Variants in EDIL3 observed in about 807,000 individuals in gnomAD.
EDIL3 encodes the protein EGF like and discoidin domains 3, also known as EGF-like repeat and discoidin I-like domain-containing protein 3.
A neutral mutation model predicts 67.4 loss-of-function variants in EDIL3; 37 were observed. The ratio of observed to expected loss-of-function variants is 0.55; its 90% CI spans 0.42 to 0.72. EDIL3 has a LOEUF of 0.72. Among genes scored for constraint, EDIL3 ranks in the 30% least tolerant of loss-of-function variants. The probability of loss-of-function intolerance (pLI) is 0.00; values close to 1 mark genes in which losing one functional copy is unlikely to be tolerated. For synonymous variants in EDIL3, 195 were observed against 196.3 expected (o/e 0.99, Z 0.05); for missense variants, 527 against 586.3 (o/e 0.90, Z 1.04).
At chr5:84,113,511 AG>A (rs1747610105) in intron 5 of EDIL3, among the ~76,000 whole-genome samples, 1 of 152,068 alleles carries the variant, frequency 6.6e-6, no homozygotes, top group Non-Finnish European at 1.5e-5. Context: ...GCCTCCCCAT[AG>A]CAACTTTTCT....
rs188034382 is a variant in EDIL3 at position 84,143,619 on chromosome 5, T to C, written c.356-6265A>G. On this transcript the variant is annotated intron_variant, in intron 4 of 10. Transcript: ENST00000296591. ...TATTCCAATAAAGTTTTATTTGCAT[T>C]TACACAGATATTTGGCCAGTATGAC... 7.1e-4 allele frequency among the ~76,000 whole-genome samples: 108 copies of C among 152,164 alleles called. 2 individuals are homozygous for C. The highest frequency in any genetic ancestry group is 3.5e-4 in the Non-Finnish European group (24 of 67,976).
At chr5:84,096,060 T>C (rs560902179) in intron 6 of EDIL3, among the ~76,000 whole-genome samples, 4 of 152,124 alleles carry the variant, frequency 2.6e-5, no homozygotes, top group South Asian at 2.1e-4. Context: ...AGAAGATGTA[T>C]GGAAATGCCT....
In EDIL3 at chr5:83,943,313, GAAAAA is replaced by G; in HGVS notation, c.*101_*105del. On this transcript the variant is annotated 3_prime_UTR_variant, in exon 11 of 11. Coordinates refer to ENST00000296591, the MANE Select transcript of EDIL3 (RefSeq NM_005711.5). ...TACCATAATTTGAGCACTTTTTCAT[GAAAAA>G]AAAAAAAAAACCATTCAGTTTCCTA... The G allele has an allele frequency of 7.8e-7, 1 of 1,276,758 alleles. No individual in the cohort carries two copies. Among genetic ancestry groups the G allele is most frequent in the Non-Finnish European group, 1.1e-6 (1 of 948,094 alleles). 79.1% of individuals were successfully genotyped at this position (1,276,758 alleles called of 1,614,324 possible).
intron 3 of EDIL3, among the ~76,000 whole-genome samples, chr5:84,218,912 G>A (rs773855422): frequency 2.0e-5 from 3 of 152,276 alleles, no homozygotes; most frequent in East Asian, 3.9e-4. Flanking sequence ...AGAGTACCTC[G>A]GGACCAGGAG....
chr5:84,074,200 A>G (rs1253379454), intron 6 of EDIL3, among the ~76,000 whole-genome samples: 1 of 147,486 alleles, frequency 6.8e-6, no homozygotes, highest in African/African-American at 2.6e-5. Context: ...AATTAATTCA[A>G]GACGGATTAA....
intron 9 of EDIL3, among the ~76,000 whole-genome samples, chr5:84,058,969 T>G (rs1200392902): frequency 6.7e-6 from 1 of 150,152 alleles, no homozygotes; most frequent in Admixed American, 6.6e-5. Flanking sequence ...AAGACTTACA[T>G]TATTACCTAT....
At chr5:84,041,461 G>C (rs1746120609) in intron 9 of EDIL3, among the ~76,000 whole-genome samples, 1 of 151,292 alleles carries the variant, frequency 6.6e-6, no homozygotes, top group Non-Finnish European at 1.5e-5. Flanking sequence ...TTCCCACTGA[G>C]ATCTTTAAAG....
At chr5:84,048,721 A>G (rs1160629520) in intron 9 of EDIL3, among the ~76,000 whole-genome samples, 1 of 152,064 alleles carries the variant, frequency 6.6e-6, no homozygotes, top group Non-Finnish European at 1.5e-5. Context: ...CATTTTCTAT[A>G]GTCACCACCA....
intron 9 of EDIL3, among the ~76,000 whole-genome samples, chr5:84,006,078 T>TTAATAATAATAATAATAA (rs142039045): frequency 1.9e-4 from 26 of 139,848 alleles, no homozygotes; most frequent in Non-Finnish European, 2.1e-4. Flanking sequence ...CACAATAGCA[T>TTAATAATAATAATAATAA]TAATAATAAT....
intron 1 of EDIL3, among the ~76,000 whole-genome samples, chr5:84,312,363 G>T (rs1174998560): frequency 6.8e-6 from 1 of 147,760 alleles, no homozygotes; most frequent in African/African-American, 2.5e-5. Context: ...CCCGGACGGG[G>T]CGGCTGGCCG....
chr5:84,149,638 G>T (rs933473302), intron 4 of EDIL3, among the ~76,000 whole-genome samples: 1 of 152,036 alleles, frequency 6.6e-6, no homozygotes, highest in African/African-American at 2.4e-5. Flanking sequence ...ATCCAATCAA[G>T]ATTAACACTC....
At chr5:84,098,108 A>C (rs1392400026) in intron 6 of EDIL3, among the ~76,000 whole-genome samples, 1 of 152,048 alleles carries the variant, frequency 6.6e-6, no homozygotes, top group African/African-American at 2.4e-5. Flanking sequence ...CTGAAAAAAA[A>C]AAAAAACTTG....
intron 1 of EDIL3, among the ~76,000 whole-genome samples, chr5:84,337,927 A>G (rs1468078883): frequency 6.6e-6 from 1 of 152,146 alleles, no homozygotes; most frequent in Non-Finnish European, 1.5e-5. Flanking sequence ...CAACTATAGA[A>G]GAATGTGCAT....
intron 5 of EDIL3, among the ~76,000 whole-genome samples, chr5:84,107,151 T>A (rs1475319983): frequency 6.6e-6 from 1 of 152,082 alleles, no homozygotes; most frequent in Non-Finnish European, 1.5e-5. Context: ...AAAAGGCTTA[T>A]CTCATATTTT....
intron 1 of EDIL3, among the ~76,000 whole-genome samples, chr5:84,379,514 T>C (rs577279377): frequency 6.6e-6 from 1 of 152,292 alleles, no homozygotes; most frequent in East Asian, 1.9e-4. Context: ...TGTGTATGTC[T>C]GTGTAAATCA....
intron 1 of EDIL3, among the ~76,000 whole-genome samples, chr5:84,328,307 C>T (rs191380065): frequency 1.3e-5 from 2 of 152,110 alleles, no homozygotes; most frequent in African/African-American, 4.8e-5. Context: ...TTTGGGAACA[C>T]TTAGGCCATG....
chr5:84,191,736 G>A (rs1743590878), intron 3 of EDIL3, among the ~76,000 whole-genome samples: 1 of 151,842 alleles, frequency 6.6e-6, no homozygotes, highest in Non-Finnish European at 1.5e-5. Flanking sequence ...TTAAAAAAAA[G>A]GAACAGCAAA....
intron 1 of EDIL3, among the ~76,000 whole-genome samples, chr5:84,371,341 A>ATATATGTATATATATGTGTG (rs1008172581): frequency 7.7e-6 from 1 of 129,694 alleles, no homozygotes; most frequent in African/African-American, 2.7e-5. Flanking sequence ...ATATATATAT[A>ATATATGTATATATATGTGTG]TGTGTGTGTG....
At chr5:84,223,023 C>T (rs1744376491) in intron 3 of EDIL3, among the ~76,000 whole-genome samples, 1 of 151,730 alleles carries the variant, frequency 6.6e-6, no homozygotes, top group Non-Finnish European at 1.5e-5. Context: ...GATACCTGAG[C>T]TTTTGCTGTG....
Sources: gnomAD v4.1 joint callset for allele counts (sites outside exome capture counted in the v4.1 genomes callset) on GRCh38, gnomAD v4.1.1 for gene constraint, MANE v1.5 for transcripts, NCBI Gene and HGNC (gene_info 2026-07-23, HGNC 2026-07-21) for gene names.